The following ITIH2 variants were observed in gnomAD, a reference collection of about 807,000 sequenced individuals.
ITIH2 encodes the protein inter-alpha-trypsin inhibitor heavy chain H2.
Under a neutral mutation model 104.4 loss-of-function variants are expected in ITIH2, and 103 were observed. That is an observed-to-expected ratio of 0.99 (90% CI 0.84 to 1.16). The LOEUF (loss-of-function observed/expected upper bound fraction) is 1.16, where lower values mean the gene tolerates loss of function less well. Ranked by LOEUF, ITIH2 falls within the 50% of genes most tolerant of loss-of-function variation. The pLI is 0.00. For missense variants in ITIH2, 1,108 were observed against 1,162.4 expected, an observed-to-expected ratio of 0.95 and a Z score of 0.68; for synonymous variants, 436 against 435.4, an observed-to-expected ratio of 1.00 and a Z score of -0.02.
Position 7,749,503 on chromosome 10 carries a change from TA to T in ITIH2, c.*172del, listed in dbSNP as rs1198706046. 3.8e-6 allele frequency: 2 copies of T among 531,594 alleles called. No individual in the cohort carries two copies. Among genetic ancestry groups the T allele is most frequent in the African/African-American group, 3.8e-5 (2 of 52,316 alleles). 32.9% of individuals were successfully genotyped at this position (531,594 alleles called of 1,614,324 possible). On this transcript the variant is annotated 3_prime_UTR_variant, in exon 21 of 21. Coordinates refer to ENST00000358415, the MANE Select transcript of ITIH2 (RefSeq NM_002216.3). ...AAGCCTGTAAACACACCTAAGAAAA[TA>T]AACATTTTACAAATGAGCTTTTAGG...
At chr10:7,726,117 A>G (rs986259243) in intron 9 of ITIH2, among the ~76,000 whole-genome samples, 3 of 152,208 alleles carry the variant, frequency 2.0e-5, no homozygotes, top group African/African-American at 7.2e-5. Flanking sequence ...GACAGGGATG[A>G]AAACCCGAAA....
chr10:7,713,819 C>T (rs2130941050), intron 5 of ITIH2, among the ~76,000 whole-genome samples: 1 of 152,064 alleles, frequency 6.6e-6, no homozygotes, highest in South Asian at 2.1e-4. Flanking sequence ...GCGGGAATGC[C>T]TCAGCCTCCC....
At chr10:7,716,353 G>A (rs1834849574) in intron 5 of ITIH2, among the ~76,000 whole-genome samples, 1 of 152,128 alleles carries the variant, frequency 6.6e-6, no homozygotes, top group South Asian at 2.1e-4. Flanking sequence ...TGATAATTCT[G>A]CTGTTTTCTC....
At chr10:7,720,556 C>T (rs1264127510) in intron 6 of ITIH2, among the ~76,000 whole-genome samples, 10 of 152,026 alleles carry the variant, frequency 6.6e-5, no homozygotes, top group Admixed American at 6.6e-4. Context: ...CTTTTTTTCC[C>T]TAACAATGCA....
At chr10:7,725,575 G>C (rs1464506368) in intron 9 of ITIH2, among the ~76,000 whole-genome samples, 2 of 152,220 alleles carry the variant, frequency 1.3e-5, no homozygotes, top group Non-Finnish European at 2.9e-5. Context: ...AAAGAGAAGT[G>C]AAAGATGCCC....
chr10:7,735,097 GGCT>G lies in ITIH2; in HGVS notation c.1957+9_1957+11del, dbSNP rs1280577983. The G allele has an allele frequency of 1.2e-6, 2 of 1,600,328 alleles. No individual in the cohort carries two copies. The highest frequency in any genetic ancestry group is 1.7e-6 in the Non-Finnish European group (2 of 1,176,852). On this transcript the variant is annotated splice_region_variant and intron_variant, in intron 15 of 20. Transcript: ENST00000358415. ...GGATCCCTCCTGCTGCTCAGGTCAG[GGCT>G]GCACCTGTGGGGACAAGTGGCCAGG... is the stretch of plus-strand genomic sequence containing the variant.
chr10:7,704,845 C>G (rs1834730088), intron 1 of ITIH2, among the ~76,000 whole-genome samples: 1 of 151,940 alleles, frequency 6.6e-6, no homozygotes, highest in East Asian at 1.9e-4. Flanking sequence ...ACCGCATGTT[C>G]TCACTCATAA....
rs916058195 is a variant in ITIH2, at chr10:7,744,280, G to A, written c.2408G>A (p.Arg803Lys). 6.2e-7 allele frequency: 1 copy of A among 1,612,818 alleles called. No homozygotes were observed. The highest frequency in any genetic ancestry group is 1.3e-5 in the African/African-American group (1 of 74,886). The change falls in exon 18 of 21, where the codon AGG (arginine) becomes AAG (lysine). Residue 803 changes from arginine (R) to lysine (K), a missense_variant and splice_region_variant. Physicochemically the swap from Arg to Lys is conservative, Grantham distance 26 (BLOSUM62 2). Transcript: ENST00000358415. ...WSDTAQVTNQ[R>K]VQISVKKEKV... ...GACACGGCTCAAGTCACGAATCAGA[G>A]GCAAGTATGATTCCATCTGAACTTG... is the stretch of plus-strand genomic sequence containing the variant.
At chr10:7,719,885 G>A (rs1019681926) in intron 6 of ITIH2, among the ~76,000 whole-genome samples, 12 of 148,168 alleles carry the variant, frequency 8.1e-5, no homozygotes, top group Non-Finnish European at 1.3e-4. Context: ...TGTGTACACG[G>A]GGACATAGGG....
chr10:7,744,373 T>A (rs1461311286), intron 18 of ITIH2, 93 bp downstream of exon 18: 8 of 1,099,590 alleles, frequency 7.3e-6, no homozygotes, highest in African/African-American at 6.3e-5. Context: ...TGAAAAAAAA[T>A]CATCATTTTA....
At position 7,737,677 on chromosome 10, in the gene ITIH2, T is replaced by TAA. The variant is rs1564305626; in HGVS notation, c.1958-944_1958-943insAA. Reference sequence around the variant, plus strand: ...ATTATATTCTATATTATATTCTATATTTTCTATATTATATTCTATATAATA... The same window carrying TAA: ...ATTATATTCTATATTATATTCTATATAATTTCTATATTATATTCTATATAATA... On this transcript the variant is annotated intron_variant, in intron 15 of 20. Transcript: ENST00000358415. Among the ~76,000 whole-genome samples, 124 of 25,692 alleles carry TAA rather than the reference T, an allele frequency of 4.8e-3. 7 individuals are homozygous for TAA. The highest frequency in any genetic ancestry group is 0.013 in the African/African-American group (87 of 6,672). The allele number at this position is 25,692 out of a possible 152,430, so 16.9% of individuals were successfully genotyped here.
Position 7,720,855 on chromosome 10 carries a change from G to A in ITIH2, c.631-1G>A, listed in dbSNP as rs752194428. The stretch of plus-strand genomic sequence containing the variant: ...TGGGTAATTTTCTCTTGCATCTCTA[G>A]GTAGATGTGTGGGTTATCGAACCAC... On this transcript the variant is annotated splice_acceptor_variant, in intron 6 of 20. Coordinates refer to ENST00000358415, the MANE Select transcript of ITIH2 (RefSeq NM_002216.3). LOFTEE classifies it high-confidence loss of function. 6.3e-7 allele frequency: 1 copy of A among 1,584,178 alleles called. No homozygotes were observed.
At chr10:7,706,591 G>A (rs1834749483) in intron 2 of ITIH2, among the ~76,000 whole-genome samples, 1 of 152,194 alleles carries the variant, frequency 6.6e-6, no homozygotes, top group African/African-American at 2.4e-5. Context: ...ACAGACTTTA[G>A]TCAAATAATC....
intron 15 of ITIH2, among the ~76,000 whole-genome samples, chr10:7,736,004 A>G (rs945390192): frequency 6.6e-6 from 1 of 152,184 alleles, no homozygotes; most frequent in Admixed American, 6.5e-5. Flanking sequence ...CTAATAAAAC[A>G]GAATACTTAA....
intron 6 of ITIH2, 141 bp downstream of exon 6, chr10:7,717,929 T>C: frequency 1.2e-6 from 1 of 800,298 alleles, no homozygotes; most frequent in East Asian, 2.6e-5. Context: ...ATTGAAAAGA[T>C]GGTGGGTTTG....
At chr10:7,709,355 G>A (rs545012641) in intron 4 of ITIH2, among the ~76,000 whole-genome samples, 164 bp downstream of exon 4, 8 of 152,250 alleles carry the variant, frequency 5.3e-5, no homozygotes, top group Non-Finnish European at 7.4e-5. Flanking sequence ...TCTTCAAAGC[G>A]TTAGAACTTG....
intron 19 of ITIH2, 124 bp downstream of exon 19, chr10:7,745,087 T>C: frequency 3.7e-6 from 3 of 815,930 alleles, no homozygotes; most frequent in South Asian, 1.7e-5. Flanking sequence ...AGGACTAACA[T>C]AGCAGTGTGG....
At chr10:7,728,755 G>T (rs1163053748) in intron 11 of ITIH2, among the ~76,000 whole-genome samples, 2 of 152,072 alleles carry the variant, frequency 1.3e-5, no homozygotes, top group Non-Finnish European at 2.9e-5. Context: ...ATGCCAGATT[G>T]TGTTGCCTGA....
At position 7,705,118 on chromosome 10, in the gene ITIH2, A is replaced by G; in HGVS notation, c.95A>G (p.Tyr32Cys). 4 of 1,609,356 alleles carry G rather than the reference A, an allele frequency of 2.5e-6. No homozygotes were observed. The highest frequency in any genetic ancestry group is 1.7e-4 in the Middle Eastern group (1 of 6,054). ...CTAATTTTTTTTAAGTTTGTAGACT[A>G]TGAAGATCTTGTGGAACTGGCCCCA... is the stretch of plus-strand genomic sequence containing the variant. Reference protein sequence around the residue: ...PINGLSEFVDYEDLVELAPGK... With the variant: ...PINGLSEFVDCEDLVELAPGK... The change falls in exon 2 of 21, where the codon TAT becomes TGT. Residue 32 changes from tyrosine (Y) to cysteine (C), a missense_variant. Transcript: ENST00000358415.
Sources: allele counts gnomAD v4.1 joint callset (sites outside exome capture counted in the v4.1 genomes callset), GRCh38; gene constraint gnomAD v4.1.1; transcripts MANE v1.5; gene names NCBI Gene and HGNC (gene_info 2026-07-23, HGNC 2026-07-21).